Variants in PAQR3 observed in about 807,000 individuals in gnomAD.
PAQR3 encodes progestin and adipoQ receptor family member 3, also known as Raf kinase trapping to Golgi.
PAQR3 carries 39 observed loss-of-function variants against 41.7 expected under a neutral mutation model. The observed-to-expected ratio is 0.93, with a 90% CI of 0.72 to 1.22. The LOEUF (loss-of-function observed/expected upper bound fraction) is 1.22, where lower values mean the gene tolerates loss of function less well. Ranked by LOEUF, PAQR3 falls within the 50% of genes most tolerant of loss-of-function variation. The pLI, the probability that PAQR3 is intolerant of heterozygous loss-of-function variation, is 0.00. For synonymous variants in PAQR3, 140 were observed against 140.6 expected (o/e 1.00, Z 0.03); for missense variants, 366 against 385.6 (o/e 0.95, Z 0.42).
chr4:78,919,394 TA>T lies in PAQR3; in HGVS notation c.*1144del. On this transcript the variant is annotated 3_prime_UTR_variant, in exon 6 of 6. Transcript: ENST00000512733. ...AGAATAAGAGGGCTACAATGTATGA[TA>T]GGGCAGTGAGTTCTATTTTTTAAGT... The T allele has an allele frequency of 1.0e-6, 1 of 984,536 alleles. No homozygotes were observed. Among genetic ancestry groups the T allele is most frequent in the Non-Finnish European group, 1.2e-6 (1 of 829,204 alleles). 61.0% of individuals were successfully genotyped at this position (984,536 alleles called of 1,614,324 possible).
rs1734951605 is a variant in PAQR3 at position 78,915,384 on chromosome 4, C to G, written c.*5155G>C. ...TTCACGTAAGCACTGTTAGAAGGTA[C>G]AAGTGTATTAATATCACTAGTTTTG... On this transcript the variant is annotated 3_prime_UTR_variant, in exon 6 of 6. Coordinates refer to ENST00000512733, the MANE Select transcript of PAQR3 (RefSeq NM_001040202.2). 6.6e-6 allele frequency: 1 copy of G among 151,916 alleles called. No individual in the cohort carries two copies. The highest frequency in any genetic ancestry group is 1.5e-5 in the Non-Finnish European group (1 of 67,918). 9.4% of individuals were successfully genotyped at this position (151,916 alleles called of 1,614,324 possible).
intron 11 of PAQR3, among the ~76,000 whole-genome samples, chr4:78,888,869 T>A (rs1429698814): frequency 6.6e-6 from 1 of 152,026 alleles, no homozygotes; most frequent in East Asian, 1.9e-4. Context: ...CAGAAAAAAA[T>A]CATGACTATC....
chr4:78,926,489 A>G, intron 4 of PAQR3, 32 bp downstream of exon 4: 2 of 1,558,414 alleles, frequency 1.3e-6, no homozygotes, highest in Non-Finnish European at 1.7e-6. Context: ...GGAAAAAAAA[A>G]AAGAGAAAAA....
At chr4:78,890,259 A>G (rs934198314) in intron 11 of PAQR3, among the ~76,000 whole-genome samples, 57 of 152,038 alleles carry the variant, frequency 3.7e-4, no homozygotes, top group African/African-American at 1.4e-3. Context: ...CACTTCTGGC[A>G]TTTTAATATA....
intron 4 of PAQR3, among the ~76,000 whole-genome samples, chr4:78,925,105 G>C (rs1736060051): frequency 6.6e-6 from 1 of 152,016 alleles, no homozygotes; most frequent in East Asian, 1.9e-4. Flanking sequence ...GGAATGATCT[G>C]TGATCACATT....
chr4:78,931,739 T>G (rs992509901), intron 2 of PAQR3, among the ~76,000 whole-genome samples: 3 of 152,128 alleles, frequency 2.0e-5, no homozygotes, highest in African/African-American at 7.2e-5. Flanking sequence ...CTGAGGCAGA[T>G]TTTAAAAGTT....
chr4:78,910,012 T>G (rs1734497436), downstream of PAQR3, among the ~76,000 whole-genome samples: 1 of 152,208 alleles, frequency 6.6e-6, no homozygotes, highest in East Asian at 1.9e-4. Context: ...GGAAGTCATA[T>G]CATCTAGAGA....
chr4:78,914,483 T>C lies in PAQR3; in HGVS notation c.*6056A>G, dbSNP rs1281134862. The C allele has an allele frequency of 6.6e-6, 1 of 151,948 alleles. No individual in the cohort carries two copies. The highest frequency in any genetic ancestry group is 1.5e-5 in the Non-Finnish European group (1 of 67,922). The allele number at this position is 151,948 out of a possible 1,614,324, so 9.4% of individuals were successfully genotyped here. A position where few individuals can be genotyped will look rare whatever the true frequency, so the allele number is the denominator to read the frequency against. On this transcript the variant is annotated 3_prime_UTR_variant, in exon 6 of 6. Transcript: ENST00000512733. Reference sequence around the variant, plus strand: ...TTTCCTAAGGAGTATAGATTTATACTTTGCATTTTCATTCATCATCCCCCA... The same window carrying C: ...TTTCCTAAGGAGTATAGATTTATACCTTGCATTTTCATTCATCATCCCCCA...
chr4:78,922,904 A>G (rs1464210282), intron 5 of PAQR3: 1 of 456,002 alleles, frequency 2.2e-6, no homozygotes, highest in Non-Finnish European at 4.4e-6. Flanking sequence ...AAAGTTCTCA[A>G]ACAAGCAAAT....
At chr4:78,930,484 C>G in intron 2 of PAQR3, 159 bp from the exon 3 acceptor site, 1 of 620,600 alleles carries the variant, frequency 1.6e-6, no homozygotes. Context: ...AGAGCTCACT[C>G]TACATGTAGA....
chr4:78,921,775 T>C (rs1009745728), intron 5 of PAQR3: 4 of 984,306 alleles, frequency 4.1e-6, no homozygotes, highest in South Asian at 4.7e-5. Flanking sequence ...TTGCCAGAGA[T>C]AGTTTCTAAG....
chr4:78,936,234 G>A (rs577753937), intron 1 of PAQR3, among the ~76,000 whole-genome samples: 1 of 152,320 alleles, frequency 6.6e-6, no homozygotes, highest in South Asian at 2.1e-4. Context: ...ACTGAAAGGT[G>A]ACATCATGAC....
In PAQR3 at chr4:78,916,906, T is replaced by C. The variant is rs986989367; in HGVS notation, c.*3633A>G. The C allele has an allele frequency of 2.0e-5, 3 of 151,828 alleles. No homozygotes were observed. The highest frequency in any genetic ancestry group is 4.8e-5 in the African/African-American group (2 of 41,378). The allele number at this position is 151,828 out of a possible 1,614,324, so 9.4% of individuals were successfully genotyped here. Reference sequence around the variant, plus strand: ...GTATTATTCCAAAAACTGGAGTCTTTGGTAGCCTGTGGAAAGGTTCATCCT... The same window carrying C: ...GTATTATTCCAAAAACTGGAGTCTTCGGTAGCCTGTGGAAAGGTTCATCCT... On this transcript the variant is annotated 3_prime_UTR_variant, in exon 6 of 6. Coordinates refer to ENST00000512733, the MANE Select transcript of PAQR3 (RefSeq NM_001040202.2).
intron 3 of PAQR3, among the ~76,000 whole-genome samples, chr4:78,927,111 A>G (rs1410354980): frequency 2.0e-5 from 3 of 152,214 alleles, no homozygotes; most frequent in African/African-American, 7.2e-5. Context: ...GTAATTGAGG[A>G]ACAGAACATT....
chr4:78,914,579 A>C lies in PAQR3; in HGVS notation c.*5960T>G, dbSNP rs918083201. 8 of 151,944 alleles carry C rather than the reference A, an allele frequency of 5.3e-5. No homozygotes were observed. The highest frequency in any genetic ancestry group is 1.7e-4 in the African/African-American group (7 of 41,410). 9.4% of individuals were successfully genotyped at this position (151,944 alleles called of 1,614,324 possible). On this transcript the variant is annotated 3_prime_UTR_variant, in exon 6 of 6. Transcript: ENST00000512733. The stretch of plus-strand genomic sequence containing the variant: ...GTTATTCCCTTGTGAGAATTATGAG[A>C]ATAAAGCTCCCAAGATATGTGAAAG...
At position 78,887,192 on chromosome 4, in the gene PAQR3, C is replaced by T. The variant is rs539878488; in HGVS notation, c.*1042G>A. 3.7e-6 allele frequency: 6 copies of T among 1,607,558 alleles called. No homozygotes were observed. In the South Asian group the frequency reaches 6.7e-5, roughly 18 times the overall value. ...TTTGCAGATAGGCTCGAGGAGAGAGCATCCTCAGATAAGAATGTAGACTCA... is the reference window on the plus strand; with the variant it reads ...TTTGCAGATAGGCTCGAGGAGAGAGTATCCTCAGATAAGAATGTAGACTCA... On this transcript the variant is annotated 3_prime_UTR_variant and NMD_transcript_variant, in exon 13 of 13. Transcript: ENST00000342820.
At chr4:78,909,283 G>A (rs781143441), downstream of PAQR3, among the ~76,000 whole-genome samples, 3 of 151,676 alleles carry the variant, frequency 2.0e-5, no homozygotes, top group Admixed American at 6.6e-5. Flanking sequence ...TGATCCACCC[G>A]CCTTGGCCTC....
chr4:78,919,396 G>T lies in PAQR3; in HGVS notation c.*1143C>A. ...AATAAGAGGGCTACAATGTATGATA[G>T]GGCAGTGAGTTCTATTTTTTAAGTA... is the stretch of plus-strand genomic sequence containing the variant. On this transcript the variant is annotated 3_prime_UTR_variant, in exon 6 of 6. Transcript: ENST00000512733. The T allele has an allele frequency of 1.0e-6, 1 of 984,404 alleles. No individual in the cohort carries two copies. The highest frequency in any genetic ancestry group is 1.7e-5 in the African/African-American group (1 of 57,258). The allele number at this position is 984,404 out of a possible 1,614,324, so 61.0% of individuals were successfully genotyped here.
Position 78,936,067 on chromosome 4 carries a change from C to T in PAQR3, c.186-784G>A, listed in dbSNP as rs138881465. Among the ~76,000 whole-genome samples the T allele has an allele frequency of 1.1e-4, 16 of 152,288 alleles. No homozygotes were observed. In the East Asian group the frequency reaches 2.3e-3, roughly 22 times the overall value. On this transcript the variant is annotated intron_variant, in intron 1 of 5. Transcript: ENST00000512733. ...CACCCTGAGTCAAGAGGCTCACTGTCCCCACCCTACACAAGTCACTTAACC... is the reference window on the plus strand; with the variant it reads ...CACCCTGAGTCAAGAGGCTCACTGTTCCCACCCTACACAAGTCACTTAACC...
Sources: allele counts gnomAD v4.1 joint callset (sites outside exome capture counted in the v4.1 genomes callset), GRCh38; gene constraint gnomAD v4.1.1; transcripts MANE v1.5; gene names NCBI Gene and HGNC (gene_info 2026-07-23, HGNC 2026-07-21).